The following MET variants were observed in gnomAD, a reference collection of about 807,000 sequenced individuals.
The protein encoded by MET is hepatocyte growth factor receptor.
In MET, 48 loss-of-function variants were observed where a neutral mutation model predicts 133.1. The ratio of observed to expected loss-of-function variants is 0.36; its 90% CI spans 0.29 to 0.46. The LOEUF (loss-of-function observed/expected upper bound fraction) is 0.46. Among genes scored for constraint, MET ranks in the 20% least tolerant of loss-of-function variants. The probability of loss-of-function intolerance (pLI) is 1.00; values close to 1 mark genes in which losing one functional copy is unlikely to be tolerated. For missense variants in MET, 1,442 were observed against 1,695.9 expected (o/e 0.85, Z 2.63); for synonymous variants, 628 against 616.5 (o/e 1.02, Z -0.28).
In MET at chr7:116,783,384, A is replaced by T. The variant is rs1562935856; in HGVS notation, c.3713A>T (p.His1238Leu). The T allele has an allele frequency of 6.2e-7, 1 of 1,614,184 alleles. No homozygotes were observed. Among genetic ancestry groups the T allele is most frequent in the South Asian group, 1.1e-5 (1 of 91,084 alleles). Residue 1238 changes from histidine (H) to leucine (L), a missense_variant, in exon 19 of 21, where the codon CAC (histidine) becomes CTC (leucine). This residue lies in a region of MET where 38 missense variants were observed against 40.6 expected (regional missense o/e 0.94). Coordinates refer to ENST00000397752, the MANE Select transcript of MET (RefSeq NM_000245.4). ...TATGATAAAGAATACTATAGTGTACACAACAAAACAGGTGCAAAGCTGCCA... is the reference window on the plus strand; with the variant it reads ...TATGATAAAGAATACTATAGTGTACTCAACAAAACAGGTGCAAAGCTGCCA... ...DMYDKEYYSV[H>L]NKTGAKLPVK...
rs200754673 is a variant in MET at position 116,778,943 on chromosome 7, C to A, written c.3508C>A (p.Arg1170=). 4 of 1,613,680 alleles carry A rather than the reference C, an allele frequency of 2.5e-6. No individual in the cohort carries two copies. The highest frequency in any genetic ancestry group is 3.4e-6 in the Non-Finnish European group (4 of 1,179,874). Residue 1170 remains arginine, a synonymous_variant, in exon 17 of 21, where the codon CGA becomes AGA. Transcript: ENST00000397752. ...ACATGGAGATCTTCGAAATTTCATT[C>A]GAAATGAGACTCATGTAAGTTGACT... ...MKHGDLRNFI[R]NETHNPTVKD...
chr7:116,770,003 T>C (rs1794781626), intron 12 of MET: 2 of 659,844 alleles, frequency 3.0e-6, no homozygotes, highest in South Asian at 1.8e-5. Flanking sequence ...AAAAGTTCTT[T>C]CTACCCACAC....
intron 1 of MET, among the ~76,000 whole-genome samples, chr7:116,675,482 C>T (rs1796123087): frequency 6.6e-6 from 1 of 152,142 alleles, no homozygotes; most frequent in Non-Finnish European, 1.5e-5. Context: ...GCTGTTTCTG[C>T]ATACATCACC....
chr7:116,744,227 A>G (rs1039383510), intron 5 of MET, among the ~76,000 whole-genome samples: 10 of 152,148 alleles, frequency 6.6e-5, no homozygotes, highest in African/African-American at 2.2e-4. Flanking sequence ...AATTTGGGTA[A>G]TAACAAACTC....
chr7:116,710,724 T>C (rs1446417281), intron 2 of MET, among the ~76,000 whole-genome samples: 2 of 151,990 alleles, frequency 1.3e-5, no homozygotes, highest in Non-Finnish European at 1.5e-5. Flanking sequence ...CCCTCCAAAT[T>C]ATTGTGAGAT....
chr7:116,686,987 C>G (rs1414849742), intron 1 of MET, among the ~76,000 whole-genome samples: 1 of 152,224 alleles, frequency 6.6e-6, no homozygotes, highest in Non-Finnish European at 1.5e-5. Context: ...TAGCTCTTCT[C>G]CCCCGTGCTG....
chr7:116,730,761 A>C (rs1363059462), intron 2 of MET, among the ~76,000 whole-genome samples: 1 of 152,168 alleles, frequency 6.6e-6, no homozygotes, highest in African/African-American at 2.4e-5. Context: ...TGAGGTGTGT[A>C]GTGTCCTAAG....
chr7:116,724,740 GA>G (rs2116733290), intron 2 of MET: 1 of 1,079,770 alleles, frequency 9.3e-7, no homozygotes. Context: ...AGAGAATTTC[GA>G]AATCAATTCG....
chr7:116,692,753 G>A (rs552671634), intron 1 of MET, among the ~76,000 whole-genome samples: 3 of 152,274 alleles, frequency 2.0e-5, no homozygotes, highest in African/African-American at 7.2e-5. Flanking sequence ...GAAATGTTTT[G>A]CCAGTGATAT....
intron 3 of MET, among the ~76,000 whole-genome samples, chr7:116,734,849 A>T (rs1793151761): frequency 6.6e-6 from 1 of 152,214 alleles, no homozygotes; most frequent in Admixed American, 6.5e-5. Context: ...AGGGATTCTC[A>T]TGAAGATCAC....
At chr7:116,715,278 G>C (rs1792149073) in intron 2 of MET, among the ~76,000 whole-genome samples, 1 of 152,202 alleles carries the variant, frequency 6.6e-6, no homozygotes, top group African/African-American at 2.4e-5. Context: ...TGAAATCAAG[G>C]CATCAGCCAG....
chr7:116,675,752 CT>C (rs1423052070), intron 1 of MET, among the ~76,000 whole-genome samples: 2 of 138,218 alleles, frequency 1.4e-5, no homozygotes, highest in African/African-American at 6.2e-5. Flanking sequence ...AGTTCTCTCT[CT>C]CTTTTTTTTT....
chr7:116,733,346 T>G (rs1793093676), intron 3 of MET, among the ~76,000 whole-genome samples: 1 of 151,734 alleles, frequency 6.6e-6, no homozygotes, highest in South Asian at 2.1e-4. Flanking sequence ...TCTTTATTTC[T>G]GCTTTTTTTT....
At chr7:116,767,979 T>C (rs1190102177) in intron 11 of MET, among the ~76,000 whole-genome samples, 1 of 135,114 alleles carries the variant, frequency 7.4e-6, no homozygotes, top group African/African-American at 2.7e-5. Context: ...TATATATGTG[T>C]GTGTGTGTGT....
At position 116,723,747 on chromosome 7, in the gene MET, A is replaced by C. The variant is rs548794283; in HGVS notation, c.1201-7921A>C. Among the ~76,000 whole-genome samples, 31 of 152,188 alleles carry C rather than the reference A, an allele frequency of 2.0e-4. No homozygotes were observed. The South Asian group carries it at 6.4e-3, about 32-fold the overall frequency. On this transcript the variant is annotated intron_variant, in intron 2 of 20. Coordinates refer to ENST00000397752, the MANE Select transcript of MET (RefSeq NM_000245.4). The stretch of plus-strand genomic sequence containing the variant: ...GTCTGTTGGAGTACCCTGCCGTGTG[A>C]GGTGTCAGTGTGCCCCTGCTGGGGG...
chr7:116,700,381 G>T, intron 2 of MET, 97 bp downstream of exon 2: 1 of 1,381,614 alleles, frequency 7.2e-7, no homozygotes, highest in Non-Finnish European at 9.6e-7. Context: ...TTTGTGCTTT[G>T]TAAATGGTGT....
chr7:116,756,703 T>C (rs978477015), intron 6 of MET, among the ~76,000 whole-genome samples: 1 of 152,206 alleles, frequency 6.6e-6, no homozygotes, highest in African/African-American at 2.4e-5. Context: ...TAAATAAGCA[T>C]GTACAAGTAT....
chr7:116,678,079 T>G (rs1217213931), intron 1 of MET, among the ~76,000 whole-genome samples: 3 of 152,158 alleles, frequency 2.0e-5, no homozygotes, highest in Non-Finnish European at 4.4e-5. Flanking sequence ...TGCACTGCCC[T>G]CCTGGTTTCC....
At chr7:116,675,652 T>C (rs1796130848) in intron 1 of MET, among the ~76,000 whole-genome samples, 2 of 152,290 alleles carry the variant, frequency 1.3e-5, no homozygotes, top group South Asian at 4.1e-4. Context: ...ACATTTTCCA[T>C]GGAGGCATCA....
Sources: gnomAD v4.1 joint callset for allele counts (sites outside exome capture counted in the v4.1 genomes callset) on GRCh38, gnomAD v4.1.1 for gene constraint, gnomAD v4.1.1 regional missense constraint, MANE v1.5 for transcripts, NCBI Gene and HGNC (gene_info 2026-07-23, HGNC 2026-07-21) for gene names.